The following RORA variants were observed in gnomAD, a reference collection of about 807,000 sequenced individuals.
The protein encoded by RORA is RAR related orphan receptor A.
In RORA, 7 loss-of-function variants were observed where a neutral mutation model predicts 69.5. That is an observed-to-expected ratio of 0.10 (90% confidence interval 0.06 to 0.19). The LOEUF is 0.19. RORA is among the 10% of genes least tolerant of loss of function. RORA has a pLI of 1.00. For missense variants in RORA, 457 were observed against 663.0 expected (o/e 0.69, Z 3.41); for synonymous variants, 261 against 240.8 (o/e 1.08, Z -0.78).
In RORA at chr15:61,139,711, G is replaced by C. The variant is rs149995174; in HGVS notation, c.166+89342C>G. 5.6e-3 allele frequency among the ~76,000 whole-genome samples: 850 copies of C among 152,282 alleles called. 14 individuals are homozygous for C. The highest frequency in any genetic ancestry group is 0.019 in the African/African-American group (796 of 41,568). On this transcript the variant is annotated intron_variant, in intron 1 of 10. Transcript: ENST00000335670. ...TGCTCACCAACCTCTTAATGAAATCGAGAGAGTCGACTACTCCTGCCTCCG... is the reference window on the plus strand; with the variant it reads ...TGCTCACCAACCTCTTAATGAAATCCAGAGAGTCGACTACTCCTGCCTCCG...
intron 1 of RORA, among the ~76,000 whole-genome samples, chr15:60,711,410 TC>T (rs2071142291): frequency 6.6e-6 from 1 of 152,160 alleles, no homozygotes; most frequent in South Asian, 2.1e-4. Flanking sequence ...TGAATAAATA[TC>T]AAAAAGTTGC....
At chr15:60,657,985 G>A (rs551475448) in intron 2 of RORA, among the ~76,000 whole-genome samples, 2 of 152,246 alleles carry the variant, frequency 1.3e-5, no homozygotes, top group African/African-American at 4.8e-5. Context: ...TATTTAGATG[G>A]TGCATTCGTG....
intron 1 of RORA, among the ~76,000 whole-genome samples, chr15:60,830,396 T>C (rs1424689640): frequency 1.3e-5 from 2 of 152,224 alleles, no homozygotes; most frequent in African/African-American, 2.4e-5. Context: ...CAGTTTTAGA[T>C]ATTGATTTTT....
In RORA at chr15:60,611,084, G is replaced by A. The variant is rs543618814; in HGVS notation, c.196+67573C>T. Reference sequence around the variant, plus strand: ...CAAAGGGAGAAAGAACGTATTCTAAGTAGGGACAAGTTAAAGGGAATTTGC... The same window carrying A: ...CAAAGGGAGAAAGAACGTATTCTAAATAGGGACAAGTTAAAGGGAATTTGC... On this transcript the variant is annotated intron_variant, in intron 2 of 10. Transcript: ENST00000335670. 6.6e-5 allele frequency among the ~76,000 whole-genome samples: 10 copies of A among 152,318 alleles called. No homozygotes were observed. The East Asian group carries it at 1.9e-3, about 29-fold the overall frequency.
chr15:61,007,177 T>C (rs1278198354), intron 1 of RORA, among the ~76,000 whole-genome samples: 1 of 152,044 alleles, frequency 6.6e-6, no homozygotes, highest in Admixed American at 6.6e-5. Flanking sequence ...GATATAGGGG[T>C]TAAAAGTAAG....
intron 2 of RORA, among the ~76,000 whole-genome samples, chr15:60,540,168 T>G (rs2066815590): frequency 6.6e-6 from 1 of 152,214 alleles, no homozygotes; most frequent in Non-Finnish European, 1.5e-5. Context: ...CGTATTTTCT[T>G]GCGATCAACC....
Position 60,503,715 on chromosome 15 carries a change from T to A in RORA, c.943-48A>T, listed in dbSNP as rs768497613. ...AACATCCTCCAGGAAGATGTTAGCT[T>A]TTGTAGCAGAAGCTGCAGAGTTATG... On this transcript the variant is annotated intron_variant, in intron 6 of 10. Coordinates refer to ENST00000335670, the MANE Select transcript of RORA (RefSeq NM_134261.3). 56 of 1,605,288 alleles carry A rather than the reference T, an allele frequency of 3.5e-5. No homozygotes were observed. In the South Asian group the frequency reaches 6.2e-4, roughly 18 times the overall value.
intron 1 of RORA, among the ~76,000 whole-genome samples, chr15:60,678,981 T>A (rs2070597929): frequency 6.6e-6 from 1 of 152,090 alleles, no homozygotes; most frequent in Admixed American, 6.6e-5. Flanking sequence ...TATTTTTTAT[T>A]TTAAGTAGGG....
At chr15:60,594,725 A>G (rs1222102098) in intron 2 of RORA, among the ~76,000 whole-genome samples, 1 of 152,262 alleles carries the variant, frequency 6.6e-6, no homozygotes, top group Non-Finnish European at 1.5e-5. Flanking sequence ...AAGTAGAATC[A>G]TTCATTCTAT....
intron 1 of RORA, among the ~76,000 whole-genome samples, chr15:60,917,946 A>T (rs1891927528): frequency 6.6e-6 from 1 of 152,258 alleles, no homozygotes; most frequent in Admixed American, 6.5e-5. Flanking sequence ...CTCTGAGCAC[A>T]AAAGTGGGAT....
intron 3 of RORA, among the ~76,000 whole-genome samples, chr15:60,522,867 C>T (rs576742037): frequency 1.0e-3 from 154 of 151,050 alleles, no homozygotes; most frequent in Non-Finnish European, 1.9e-3. Flanking sequence ...GTCAGGAGTT[C>T]GAGACCAGCC....
intron 1 of RORA, among the ~76,000 whole-genome samples, chr15:60,752,669 G>A (rs536105397): frequency 6.8e-6 from 1 of 146,528 alleles, no homozygotes; most frequent in East Asian, 2.1e-4. Context: ...GGATTAGAGC[G>A]AAGTCGGTCA....
rs1310268198 is a variant in RORA, at chr15:60,595,695, AAAAAGT to A, written c.197-63850_197-63845del. ...TTTACCAAGTGTTCTGAAAAAAAAAAAAAAGTAAAGTAATATTGCTTACATGAAGAT... is the reference window on the plus strand; with the variant it reads ...TTTACCAAGTGTTCTGAAAAAAAAAAAAAGTAATATTGCTTACATGAAGAT... On this transcript the variant is annotated intron_variant, in intron 2 of 10. Transcript: ENST00000335670. Among the ~76,000 whole-genome samples, 598 of 152,150 alleles carry A rather than the reference AAAAAGT, an allele frequency of 3.9e-3. 6 individuals are homozygous for A. Among genetic ancestry groups the A allele is most frequent in the African/African-American group, 0.014 (572 of 41,438 alleles).
intron 1 of RORA, among the ~76,000 whole-genome samples, chr15:60,719,291 G>A (rs1203426262): frequency 4.0e-5 from 6 of 150,668 alleles, no homozygotes; most frequent in African/African-American, 1.5e-4. Flanking sequence ...AAAATACTTC[G>A]GCAAAATAAA....
At position 60,490,543 on chromosome 15, in the gene RORA, G is replaced by T. The variant is rs1013533952; in HGVS notation, c.*6912C>A. The T allele has an allele frequency of 6.6e-6, 1 of 152,090 alleles. No individual in the cohort carries two copies. The highest frequency in any genetic ancestry group is 2.4e-5 in the African/African-American group (1 of 41,434). 9.4% of individuals were successfully genotyped at this position (152,090 alleles called of 1,614,324 possible). ...AAAGCAGGGACAGGTAAATTTGAAA[G>T]AAGAGTAAGAGAGAAAATGTTTACA... On this transcript the variant is annotated 3_prime_UTR_variant, in exon 11 of 11. Coordinates refer to ENST00000335670, the MANE Select transcript of RORA (RefSeq NM_134261.3). This position sits in a 1 kb window ranked among gnomAD's most constrained non-coding sequence, Gnocchi z 4.1.
intron 1 of RORA, among the ~76,000 whole-genome samples, chr15:61,209,566 G>A (rs375257347): frequency 7.9e-5 from 12 of 152,312 alleles, no homozygotes; most frequent in African/African-American, 1.2e-4. Flanking sequence ...ATGTTAAAGC[G>A]CTAATCCTCA....
At chr15:61,144,255 C>G (rs758400667) in intron 1 of RORA, among the ~76,000 whole-genome samples, 12 of 152,204 alleles carry the variant, frequency 7.9e-5, no homozygotes, top group Non-Finnish European at 1.5e-4. Flanking sequence ...GAAATCACAA[C>G]AGAGACCTCA....
intron 1 of RORA, among the ~76,000 whole-genome samples, chr15:61,063,232 A>T (rs140441309): frequency 2.0e-5 from 3 of 152,194 alleles, no homozygotes; most frequent in African/African-American, 7.2e-5. Context: ...CCTAACTACA[A>T]ATTCAGGCTC....
intron 1 of RORA, among the ~76,000 whole-genome samples, chr15:60,729,520 C>T (rs2071403761): frequency 6.6e-6 from 1 of 152,232 alleles, no homozygotes; most frequent in Middle Eastern, 3.4e-3. Context: ...TAGAATTCAC[C>T]AATAGCAGAC....
Sources: gnomAD v4.1 joint callset for allele counts (sites outside exome capture counted in the v4.1 genomes callset) on GRCh38, gnomAD v4.1.1 for gene constraint, Gnocchi (gnomAD v3.1) non-coding constraint, MANE v1.5 for transcripts, NCBI Gene and HGNC (gene_info 2026-07-23, HGNC 2026-07-21) for gene names.